MAST4: variants seen among roughly 807,000 people sequenced by gnomAD.
The protein encoded by MAST4 is microtubule-associated serine/threonine-protein kinase 4.
MAST4 carries 89 observed loss-of-function variants against 162.7 expected under a neutral mutation model. That is an observed-to-expected ratio of 0.55 (90% CI 0.46 to 0.65). The LOEUF (loss-of-function observed/expected upper bound fraction) is 0.65, where lower values mean the gene tolerates loss of function less well. Ranked by LOEUF, MAST4 falls within the 30% of genes least tolerant of loss-of-function variation. The probability of loss-of-function intolerance (pLI) is 0.00; values close to 1 mark genes in which losing one functional copy is unlikely to be tolerated. For synonymous variants in MAST4, 1,479 were observed against 1,361.1 expected, an observed-to-expected ratio of 1.09 and a Z score of -1.91; for missense variants, 3,153 against 3,374.0, an observed-to-expected ratio of 0.93 and a Z score of 1.62.
At chr5:66,719,430 T>A (rs1030005340) in intron 1 of MAST4, among the ~76,000 whole-genome samples, 1 of 152,224 alleles carries the variant, frequency 6.6e-6, no homozygotes, top group South Asian at 2.1e-4. Flanking sequence ...AACTATCAGC[T>A]GAGTAAACAC....
At chr5:67,119,394 C>T (rs1767306730) in intron 13 of MAST4, among the ~76,000 whole-genome samples, 1 of 152,074 alleles carries the variant, frequency 6.6e-6, no homozygotes, top group African/African-American at 2.4e-5. Flanking sequence ...CAATTGTGAA[C>T]ACCAAAAGAG....
At chr5:66,848,605 T>C (rs1224358016) in intron 3 of MAST4, among the ~76,000 whole-genome samples, 1 of 152,234 alleles carries the variant, frequency 6.6e-6, no homozygotes, top group Non-Finnish European at 1.5e-5. Context: ...TTGCCTTTTA[T>C]CACTTGTGCT....
chr5:66,681,682 GC>G (rs1229104110), intron 1 of MAST4, among the ~76,000 whole-genome samples: 2 of 152,238 alleles, frequency 1.3e-5, no homozygotes, highest in African/African-American at 4.8e-5. Flanking sequence ...AAAAGGCACA[GC>G]TTGACTGATG....
rs550413721 is a variant in MAST4, at chr5:66,627,962, T to A, written c.363+30944T>A. On this transcript the variant is annotated intron_variant, in intron 1 of 28. Coordinates refer to ENST00000403625, the MANE Select transcript of MAST4 (RefSeq NM_001164664.2). ...CACCCCACCCCTACCAATTGCTATT[T>A]TATGTTGCTAAAAACAAAAGTTTCT... Among the ~76,000 whole-genome samples the A allele has an allele frequency of 2.4e-4, 37 of 152,254 alleles. 1 individual carries two copies. The highest frequency in any genetic ancestry group is 7.0e-4 in the African/African-American group (29 of 41,536).
chr5:66,867,703 T>G (rs1423946364), intron 3 of MAST4, among the ~76,000 whole-genome samples: 1 of 152,242 alleles, frequency 6.6e-6, no homozygotes, highest in African/African-American at 2.4e-5. Context: ...ATGTGCTTCC[T>G]TTTTCACAAA....
chr5:66,652,656 T>C (rs1411850528), intron 1 of MAST4, among the ~76,000 whole-genome samples: 27 of 152,232 alleles, frequency 1.8e-4, no homozygotes, highest in Non-Finnish European at 4.4e-5. Flanking sequence ...ATCGTTTTCC[T>C]AATTTTTTTT....
chr5:67,075,460 G>A (rs1386472218), intron 5 of MAST4, among the ~76,000 whole-genome samples: 3 of 128,056 alleles, frequency 2.3e-5, no homozygotes, highest in Non-Finnish European at 4.9e-5. Flanking sequence ...ACAGGCATGA[G>A]CCACCACACC....
At chr5:66,920,918 C>A (rs1371472431) in intron 4 of MAST4, among the ~76,000 whole-genome samples, 1 of 151,988 alleles carries the variant, frequency 6.6e-6, no homozygotes, top group Non-Finnish European at 1.5e-5. Context: ...AACCAGAAAG[C>A]CTGGGGGTTG....
In MAST4 at chr5:67,085,731, G is replaced by A. The variant is rs183409029; in HGVS notation, c.764-4431G>A. 1.8e-3 allele frequency among the ~76,000 whole-genome samples: 275 copies of A among 152,200 alleles called. 2 individuals are homozygous for A. The highest frequency in any genetic ancestry group is 4.8e-3 in the Admixed American group (74 of 15,290). On this transcript the variant is annotated intron_variant, in intron 5 of 28. Transcript: ENST00000403625. ...GTTTTTTTCTTGGCCACTTAGAGTC[G>A]AAACAGCTGCCCAGGTTTAATTAAT... is the stretch of plus-strand genomic sequence containing the variant.
chr5:66,914,313 A>C (rs67039481), intron 4 of MAST4, among the ~76,000 whole-genome samples: 19,510 of 152,196 alleles, frequency 0.13, 1,534 homozygotes, highest in African/African-American at 0.2. Flanking sequence ...AATGGCCCCC[A>C]GGGTGTGCTG....
At chr5:66,840,106 T>A (rs1295715814) in intron 3 of MAST4, among the ~76,000 whole-genome samples, 1 of 152,116 alleles carries the variant, frequency 6.6e-6, no homozygotes, top group African/African-American at 2.4e-5. Flanking sequence ...TGGTAGGAAG[T>A]CAGACGTAGA....
chr5:66,605,280 C>T (rs1051370421), intron 1 of MAST4, among the ~76,000 whole-genome samples: 6 of 152,008 alleles, frequency 3.9e-5, no homozygotes, highest in Non-Finnish European at 1.5e-5. Flanking sequence ...AACTCAGGCC[C>T]AGAGAAAGAA....
At chr5:67,069,719 C>A (rs1760702553) in intron 5 of MAST4, among the ~76,000 whole-genome samples, 2 of 152,092 alleles carry the variant, frequency 1.3e-5, no homozygotes, top group African/African-American at 2.4e-5. Context: ...TCTGGAGAAG[C>A]AACACATCCC....
At chr5:66,816,753 A>G (rs1435394692) in intron 3 of MAST4, among the ~76,000 whole-genome samples, 1 of 152,078 alleles carries the variant, frequency 6.6e-6, no homozygotes, top group Non-Finnish European at 1.5e-5. Context: ...CTCCCCATCC[A>G]TCCTCTACCC....
intron 2 of MAST4, among the ~76,000 whole-genome samples, chr5:66,777,136 G>C (rs1754641514): frequency 6.6e-6 from 1 of 152,192 alleles, no homozygotes; most frequent in African/African-American, 2.4e-5. Context: ...CTAATAAATG[G>C]TGAAAGGAGG....
At chr5:66,837,023 C>CGTGTGTGTGTGTGTGTGT (rs544483226) in intron 3 of MAST4, among the ~76,000 whole-genome samples, 6,053 of 144,524 alleles carry the variant, frequency 0.042, 220 homozygotes, top group East Asian at 0.081. Context: ...CATGCAGGAT[C>CGTGTGTGTGTGTGTGTGT]ATGTGTGTGT....
At chr5:66,719,598 A>C (rs1190732913) in intron 1 of MAST4, among the ~76,000 whole-genome samples, 1 of 152,114 alleles carries the variant, frequency 6.6e-6, no homozygotes, top group African/African-American at 2.4e-5. Flanking sequence ...CTGAACGTGC[A>C]GGTTCGTTAC....
chr5:66,877,821 A>C (rs1206316640), intron 3 of MAST4, among the ~76,000 whole-genome samples: 2 of 152,264 alleles, frequency 1.3e-5, no homozygotes, highest in Non-Finnish European at 2.9e-5. Context: ...TGTCATTTGT[A>C]CTAGGTACTA....
chr5:67,035,626 G>C (rs2150458132), intron 4 of MAST4, among the ~76,000 whole-genome samples: 1 of 152,162 alleles, frequency 6.6e-6, no homozygotes, highest in African/African-American at 2.4e-5. Context: ...ACTGGGATGT[G>C]GTCCTCCTTG....
Sources: gnomAD v4.1 joint callset for allele counts (sites outside exome capture counted in the v4.1 genomes callset) on GRCh38, gnomAD v4.1.1 for gene constraint, MANE v1.5 for transcripts, NCBI Gene and HGNC (gene_info 2026-07-23, HGNC 2026-07-21) for gene names.